The following ARID4B variants were observed in gnomAD, a reference collection of about 807,000 sequenced individuals.
ARID4B encodes AT-rich interactive domain-containing protein 4B.
In ARID4B, 26 loss-of-function variants were observed where a neutral mutation model predicts 147.5. The ratio of observed to expected loss-of-function variants is 0.18; its 90% confidence interval spans 0.13 to 0.24. The LOEUF is 0.24. Among genes scored for constraint, ARID4B ranks in the 10% least tolerant of loss-of-function variants. The pLI is 1.00. For missense variants in ARID4B, 1,179 were observed against 1,511.5 expected (o/e 0.78, Z 3.65); for synonymous variants, 512 against 507.9 (o/e 1.01, Z -0.11).
intron 19 of ARID4B, among the ~76,000 whole-genome samples, chr1:235,192,765 T>C (rs1274069310): frequency 6.6e-6 from 1 of 152,198 alleles, no homozygotes; most frequent in African/African-American, 2.4e-5. Context: ...TTTTATTACC[T>C]ATACTTCATT....
At chr1:235,229,439 T>C in intron 10 of ARID4B, 54 bp from the exon 11 acceptor site, 1 of 1,247,120 alleles carries the variant, frequency 8.0e-7, no homozygotes, top group Admixed American at 2.1e-5. Flanking sequence ...AATTGTTTTC[T>C]CAAAAAGTAT....
intron 2 of ARID4B, among the ~76,000 whole-genome samples, chr1:235,297,673 C>T (rs966050842): frequency 6.6e-6 from 1 of 151,960 alleles, no homozygotes; most frequent in Admixed American, 6.6e-5. Flanking sequence ...ATGATGGTAA[C>T]TAATAGAAAG....
intron 8 of ARID4B, 96 bp from the exon 9 acceptor site, chr1:235,234,588 G>C: frequency 1.2e-6 from 1 of 857,238 alleles, no homozygotes; most frequent in South Asian, 1.7e-5. Context: ...TAAGCTTGAA[G>C]TTTAAAAACT....
intron 2 of ARID4B, among the ~76,000 whole-genome samples, chr1:235,317,935 T>C (rs1674548324): frequency 1.3e-5 from 2 of 152,140 alleles, no homozygotes; most frequent in African/African-American, 4.8e-5. Flanking sequence ...ACACAGGTAA[T>C]ATTAGTACCC....
At chr1:235,251,537 T>G (rs1486286100) in intron 6 of ARID4B, among the ~76,000 whole-genome samples, 1 of 151,770 alleles carries the variant, frequency 6.6e-6, no homozygotes, top group African/African-American at 2.4e-5. Context: ...AAGCAAAAAT[T>G]TTTCAAAACA....
chr1:235,321,632 C>T lies in ARID4B; in HGVS notation c.6+5282G>A, dbSNP rs1674845329. Among the ~76,000 whole-genome samples, 6 of 151,938 alleles carry T rather than the reference C, an allele frequency of 3.9e-5. No individual in the cohort carries two copies. In the South Asian group the frequency reaches 1.0e-3, roughly 26 times the overall value. On this transcript the variant is annotated intron_variant, in intron 2 of 23. Coordinates refer to ENST00000264183, the MANE Select transcript of ARID4B (RefSeq NM_016374.6). ...ACCATTCTCCTGCCTCAGCGTCCTA[C>T]AGGCGCCCGCTACCAAGCCTGGCTA...
At chr1:235,240,005 C>CT (rs1446219638) in intron 8 of ARID4B, among the ~76,000 whole-genome samples, 1 of 152,038 alleles carries the variant, frequency 6.6e-6, no homozygotes, top group African/African-American at 2.4e-5. Context: ...TTCTGTTGTT[C>CT]TTTTGCAATC....
chr1:235,301,343 G>A (rs1172472026), intron 2 of ARID4B, among the ~76,000 whole-genome samples: 1 of 151,564 alleles, frequency 6.6e-6, no homozygotes, highest in Non-Finnish European at 1.5e-5. Flanking sequence ...TTTGAGACCA[G>A]CCTGGGCAAC....
At chr1:235,325,435 C>G (rs983943242) in intron 2 of ARID4B, among the ~76,000 whole-genome samples, 5 of 151,958 alleles carry the variant, frequency 3.3e-5, no homozygotes, top group African/African-American at 1.2e-4. Flanking sequence ...AACTACATTT[C>G]TTTTAACCAA....
intron 2 of ARID4B, among the ~76,000 whole-genome samples, chr1:235,265,981 A>G (rs1439365961): frequency 6.6e-6 from 1 of 152,168 alleles, no homozygotes; most frequent in Non-Finnish European, 1.5e-5. Flanking sequence ...CAAATGGGTT[A>G]AGTCATAAAA....
At chr1:235,185,633 A>G (rs1473961178) in intron 19 of ARID4B, among the ~76,000 whole-genome samples, 2 of 152,220 alleles carry the variant, frequency 1.3e-5, no homozygotes, top group Non-Finnish European at 2.9e-5. Context: ...TTAAAAAGGT[A>G]CATGGGATAT....
chr1:235,260,654 A>G lies in ARID4B; in HGVS notation c.105T>C (p.Leu35=). 6.2e-7 allele frequency: 1 copy of G among 1,604,426 alleles called. No homozygotes were observed. Among genetic ancestry groups the G allele is most frequent in the Middle Eastern group, 1.7e-4 (1 of 6,034 alleles). ...CEAKIKTAKR[L]VKVKVTFRHD... ...ATAAATACTGTACCTTGACTTTGAC[A>G]AGTCTTTTTGCTGTCTTGATCTTGG... The change falls in exon 3 of 24, where the codon CTT becomes CTC. Residue 35 remains leucine, a synonymous_variant. Coordinates refer to ENST00000264183, the MANE Select transcript of ARID4B (RefSeq NM_016374.6).
intron 2 of ARID4B, among the ~76,000 whole-genome samples, chr1:235,292,223 A>G (rs1328921095): frequency 6.6e-6 from 1 of 152,210 alleles, no homozygotes; most frequent in Non-Finnish European, 1.5e-5. Context: ...AATTGTGCCT[A>G]CAGAAACTTT....
At chr1:235,321,612 T>C (rs1326655808) in intron 2 of ARID4B, among the ~76,000 whole-genome samples, 1 of 151,980 alleles carries the variant, frequency 6.6e-6, no homozygotes, top group Non-Finnish European at 1.5e-5. Context: ...TTCGCACCAT[T>C]CTCCTGCCTC....
intron 17 of ARID4B, among the ~76,000 whole-genome samples, chr1:235,208,943 A>G (rs1045833380): frequency 1.3e-5 from 2 of 150,404 alleles, no homozygotes; most frequent in Non-Finnish European, 2.9e-5. Flanking sequence ...AGTAAGTAAT[A>G]TAGTGCTAGA....
Position 235,221,551 on chromosome 1 carries a change from T to C in ARID4B, c.1163+14A>G, listed in dbSNP as rs1311245354. ...AAAATACTGAAGATAATCATATCAA[T>C]TATACTAACTTACTTTTTATAAGCA... On this transcript the variant is annotated intron_variant, in intron 14 of 23. Transcript: ENST00000264183. 6.9e-7 allele frequency: 1 copy of C among 1,441,804 alleles called. No homozygotes were observed. Among genetic ancestry groups the C allele is most frequent in the Admixed American group, 1.8e-5 (1 of 55,498 alleles). 89.3% of individuals were successfully genotyped at this position (1,441,804 alleles called of 1,614,324 possible).
intron 2 of ARID4B, among the ~76,000 whole-genome samples, chr1:235,287,940 T>C (rs1226707432): frequency 2.2e-4 from 33 of 152,224 alleles, no homozygotes; most frequent in Non-Finnish European, 2.9e-5. Context: ...AAACAATGTA[T>C]TTTTTCCAAA....
chr1:235,208,678 T>G (rs931884971), intron 17 of ARID4B, among the ~76,000 whole-genome samples: 2 of 150,922 alleles, frequency 1.3e-5, no homozygotes, highest in African/African-American at 4.9e-5. Context: ...AATTTTGTGT[T>G]TTTTTTTAGT....
intron 17 of ARID4B, among the ~76,000 whole-genome samples, chr1:235,205,018 C>G (rs891019405): frequency 6.6e-6 from 1 of 152,066 alleles, no homozygotes; most frequent in South Asian, 2.1e-4. Flanking sequence ...ATAATGGAAA[C>G]CACTGTCAAA....
Sources: gnomAD v4.1 joint callset for allele counts (sites outside exome capture counted in the v4.1 genomes callset) on GRCh38, gnomAD v4.1.1 for gene constraint, MANE v1.5 for transcripts, NCBI Gene and HGNC (gene_info 2026-07-23, HGNC 2026-07-21) for gene names.